Variants in ADRA1A observed in about 807,000 individuals in gnomAD.
The protein encoded by ADRA1A is alpha-1A adrenergic receptor.
A neutral mutation model predicts 29.6 loss-of-function variants in ADRA1A; 31 were observed. The observed-to-expected ratio is 1.05, with a 90% CI of 0.79 to 1.41. ADRA1A has a LOEUF of 1.41. Among genes scored for constraint, ADRA1A ranks in the 40% most tolerant of loss-of-function variants. The pLI is 0.00. For missense variants in ADRA1A, 619 were observed against 601.1 expected, an observed-to-expected ratio of 1.03 and a Z score of -0.31; for synonymous variants, 311 against 254.3, an observed-to-expected ratio of 1.22 and a Z score of -2.12.
In ADRA1A at chr8:26,864,175, G is replaced by A; in HGVS notation, c.795C>T (p.Ser265=). The A allele has an allele frequency of 6.2e-7, 1 of 1,614,150 alleles. No homozygotes were observed. Among genetic ancestry groups the A allele is most frequent in the Non-Finnish European group, 8.5e-7 (1 of 1,180,034 alleles). ...GCGTTTTGGCCGCTTTCTTCTCCCG[G>A]GAGAACTTGAGGAGCCTCACTGAGA... is the stretch of plus-strand genomic sequence containing the variant. ...THFSVRLLKF[S]REKKAAKTLG... is the part of the protein sequence containing the mutation. The change falls in exon 2 of 3, where the codon TCC becomes TCT. Residue 265 remains serine, a synonymous_variant. Coordinates refer to ENST00000380573, the MANE Select transcript of ADRA1A (RefSeq NM_000680.4). This position sits in a 1 kb window ranked among gnomAD's most constrained non-coding sequence, Gnocchi z 8.1.
chr8:26,829,033 T>C (rs1037677361), intron 2 of ADRA1A, among the ~76,000 whole-genome samples: 1 of 151,704 alleles, frequency 6.6e-6, no homozygotes, highest in African/African-American at 2.4e-5. Context: ...TAGTGGCTGG[T>C]GTGTGATAAT....
chr8:26,789,542 C>A (rs1807657542), intron 2 of ADRA1A, among the ~76,000 whole-genome samples: 1 of 151,988 alleles, frequency 6.6e-6, no homozygotes, highest in Admixed American at 6.6e-5. Context: ...AAATGTAAGA[C>A]CAAAAACTAT....
chr8:26,756,294 T>G (rs61759705), downstream of ADRA1A: 1 of 504,670 alleles, frequency 2.0e-6, no homozygotes, highest in African/African-American at 2.0e-5. Context: ...TTGTACAGTA[T>G]ACTTGATGAA....
intron 2 of ADRA1A, among the ~76,000 whole-genome samples, chr8:26,850,501 G>T (rs900330409): frequency 2.6e-4 from 40 of 151,388 alleles, no homozygotes; most frequent in African/African-American, 9.3e-4. Flanking sequence ...TATCTTTTTT[G>T]TTGTTGTTGT....
rs1196981467 is a variant in ADRA1A at position 26,823,818 on chromosome 8, G to A, written c.883+40269C>T. Reference sequence around the variant, plus strand: ...TAGTTGTCAAGGTGAAGAACCCGAGGTACCATAAGACTATGGCTTGGTCAA... The same window carrying A: ...TAGTTGTCAAGGTGAAGAACCCGAGATACCATAAGACTATGGCTTGGTCAA... On this transcript the variant is annotated intron_variant, in intron 2 of 2. Transcript: ENST00000380573. The surrounding 1 kb of genome is among the most constrained non-coding windows in gnomAD (Gnocchi z 4.2). Among the ~76,000 whole-genome samples the A allele has an allele frequency of 6.6e-6, 1 of 152,164 alleles. No homozygotes were observed. Among genetic ancestry groups the A allele is most frequent in the East Asian group, 1.9e-4 (1 of 5,196 alleles).
intron 2 of ADRA1A, among the ~76,000 whole-genome samples, chr8:26,859,613 C>G (rs1406648855): frequency 3.3e-5 from 5 of 152,046 alleles, no homozygotes; most frequent in African/African-American, 1.2e-4. Flanking sequence ...ATTACATAGC[C>G]AGTACATTCT....
intron 2 of ADRA1A, among the ~76,000 whole-genome samples, chr8:26,802,766 T>A (rs945342318): frequency 2.0e-5 from 3 of 152,310 alleles, no homozygotes; most frequent in South Asian, 2.1e-4. Context: ...AGGAGACATC[T>A]GCATTCCCAT....
chr8:26,797,251 A>G (rs1808247846), intron 2 of ADRA1A, among the ~76,000 whole-genome samples: 1 of 152,154 alleles, frequency 6.6e-6, no homozygotes, highest in Admixed American at 6.6e-5. Context: ...TAACAAAAGT[A>G]TGTTATTTAT....
At chr8:26,779,393 T>G (rs1806788249) in intron 2 of ADRA1A, 2 of 702,326 alleles carry the variant, frequency 2.8e-6, no homozygotes, top group Non-Finnish European at 2.6e-6. Context: ...TAAAGCTGGG[T>G]GAGTCATTTT....
At chr8:26,749,467 C>T (rs890469623) in intron 2 of ADRA1A, among the ~76,000 whole-genome samples, 1 of 152,120 alleles carries the variant, frequency 6.6e-6, no homozygotes, top group Non-Finnish European at 1.5e-5. Context: ...CTGTTTTGTT[C>T]ACTAATGTGG....
At chr8:26,856,331 C>G (rs1267437386) in intron 2 of ADRA1A, among the ~76,000 whole-genome samples, 1 of 152,232 alleles carries the variant, frequency 6.6e-6, no homozygotes, top group Non-Finnish European at 1.5e-5. Context: ...GCATAAAGGT[C>G]TCCCAACTGG....
chr8:26,865,126 A>G lies in ADRA1A; in HGVS notation c.-157T>C. The G allele has an allele frequency of 6.8e-7, 1 of 1,464,954 alleles. No individual in the cohort carries two copies. Among genetic ancestry groups the G allele is most frequent in the Non-Finnish European group, 9.0e-7 (1 of 1,117,200 alleles). The allele number at this position is 1,464,954 out of a possible 1,614,324, so 90.7% of individuals were successfully genotyped here. A position where few individuals can be genotyped will look rare whatever the true frequency, so the allele number is the denominator to read the frequency against. ...GGGTGAGAGCGCGCGCGCGGGTGGG[A>G]AACAACCCTGGCCAGCCCTGGGAAC... On this transcript the variant is annotated 5_prime_UTR_variant, in exon 2 of 3. Transcript: ENST00000380573. The surrounding 1 kb of genome is among the most constrained non-coding windows in gnomAD (Gnocchi z 7.6).
At chr8:26,827,422 T>G (rs561115546) in intron 2 of ADRA1A, among the ~76,000 whole-genome samples, 1 of 152,316 alleles carries the variant, frequency 6.6e-6, no homozygotes, top group Non-Finnish European at 1.5e-5. Context: ...TATAACAAGA[T>G]GTCCTAAACT....
intron 2 of ADRA1A, among the ~76,000 whole-genome samples, chr8:26,750,673 ATTTT>A (rs1804883165): frequency 6.6e-6 from 1 of 152,244 alleles, no homozygotes; most frequent in African/African-American, 2.4e-5. Flanking sequence ...AAACCTGGAT[ATTTT>A]AGATACAAGC....
At chr8:26,846,633 G>A (rs563881767) in intron 2 of ADRA1A, among the ~76,000 whole-genome samples, 12 of 152,250 alleles carry the variant, frequency 7.9e-5, no homozygotes, top group South Asian at 2.1e-4. Flanking sequence ...TTAGCCAGGC[G>A]TGGTGGCAGG....
Position 26,860,063 on chromosome 8 carries a change from G to A in ADRA1A, c.883+4024C>T, listed in dbSNP as rs763572485. On this transcript the variant is annotated intron_variant, in intron 2 of 2. Coordinates refer to ENST00000380573, the MANE Select transcript of ADRA1A (RefSeq NM_000680.4). This position sits in a 1 kb window ranked among gnomAD's most constrained non-coding sequence, Gnocchi z 4.7. ...ATTAGAGGCATGAGCCACCGCGCCTGGCACCTCACTAGGATTTAAAAGAAG... is the reference window on the plus strand; with the variant it reads ...ATTAGAGGCATGAGCCACCGCGCCTAGCACCTCACTAGGATTTAAAAGAAG... Among the ~76,000 whole-genome samples, 33 of 152,110 alleles carry A rather than the reference G, an allele frequency of 2.2e-4. No individual in the cohort carries two copies. Among genetic ancestry groups the A allele is most frequent in the Non-Finnish European group, 3.8e-4 (26 of 68,022 alleles).
upstream of ADRA1A, chr8:26,867,327 T>C (rs1275650106): frequency 1.0e-6 from 1 of 985,272 alleles, no homozygotes; most frequent in Non-Finnish European, 1.2e-6. Context: ...ACCGTATTAC[T>C]CTACGGCAAC....
chr8:26,858,836 A>C (rs1248408205), intron 2 of ADRA1A, among the ~76,000 whole-genome samples: 3 of 152,196 alleles, frequency 2.0e-5, no homozygotes, highest in African/African-American at 7.2e-5. Context: ...AATTTCAACC[A>C]AACATTTAGG....
Position 26,865,811 on chromosome 8 carries a change from G to T in ADRA1A, c.-686-156C>A. ...CGGCAGCGGTGGAGGCGACTTCGGA[G>T]CTCATCTCGCGCCCCCACCACTGGG... On this transcript the variant is annotated intron_variant, in intron 1 of 2. Transcript: ENST00000380573. The surrounding 1 kb of genome is among the most constrained non-coding windows in gnomAD (Gnocchi z 7.6). 1.6e-6 allele frequency: 1 copy of T among 629,330 alleles called. No homozygotes were observed. The highest frequency in any genetic ancestry group is 2.0e-6 in the Non-Finnish European group (1 of 504,780). 39.0% of individuals were successfully genotyped at this position (629,330 alleles called of 1,614,324 possible).
Sources: allele counts gnomAD v4.1 joint callset (sites outside exome capture counted in the v4.1 genomes callset), GRCh38; gene constraint gnomAD v4.1.1; non-coding constraint Gnocchi (gnomAD v3.1); transcripts MANE v1.5; gene names NCBI Gene and HGNC (gene_info 2026-07-23, HGNC 2026-07-21).